HERC3: variants seen among roughly 807,000 people sequenced by gnomAD.
HERC3 encodes the protein HECT and RLD domain containing E3 ubiquitin protein ligase 3.
HERC3 carries 58 observed loss-of-function variants against 129.9 expected under a neutral mutation model. That is an observed-to-expected ratio of 0.45 (90% CI 0.36 to 0.56). HERC3 has a LOEUF of 0.56. HERC3 is among the 20% of genes least tolerant of loss of function. The probability of loss-of-function intolerance (pLI) is 0.00; values close to 1 mark genes in which losing one functional copy is unlikely to be tolerated. For missense variants in HERC3, 835 were observed against 1,244.2 expected, an observed-to-expected ratio of 0.67 and a Z score of 4.95; for synonymous variants, 430 against 451.0, an observed-to-expected ratio of 0.95 and a Z score of 0.59.
chr4:88,669,033 T>G (rs1731335294), intron 14 of HERC3, among the ~76,000 whole-genome samples: 2 of 152,184 alleles, frequency 1.3e-5, no homozygotes, highest in South Asian at 4.1e-4. Context: ...TTTTTTCATT[T>G]TTATTTTTCC....
At chr4:88,536,050 G>A in the HERC3 span, among the ~76,000 whole-genome samples, 2 of 152,104 alleles carry the variant, frequency 1.3e-5, no homozygotes, top group African/African-American at 4.8e-5. Flanking sequence ...TAACAAATTA[G>A]TTATTCACTG....
chr4:88,612,651 G>A (rs1246422199), intron 3 of HERC3, among the ~76,000 whole-genome samples: 1 of 151,888 alleles, frequency 6.6e-6, no homozygotes, highest in Admixed American at 6.6e-5. Flanking sequence ...ATCCCTCCCC[G>A]ACAAAGCAGA....
intron 3 of HERC3, among the ~76,000 whole-genome samples, chr4:88,614,625 C>T (rs958391898): frequency 4.6e-5 from 7 of 152,126 alleles, no homozygotes; most frequent in African/African-American, 1.7e-4. Context: ...CTCTTTTGAG[C>T]ACCAAATAAA....
intron 3 of HERC3, among the ~76,000 whole-genome samples, chr4:88,625,874 A>G (rs946376290): frequency 2.0e-5 from 3 of 152,066 alleles, no homozygotes; most frequent in Non-Finnish European, 4.4e-5. Context: ...GATTTTTTTC[A>G]AATGTTATTT....
At chr4:88,666,953 A>C (rs1203894889) in intron 12 of HERC3, among the ~76,000 whole-genome samples, 1 of 152,186 alleles carries the variant, frequency 6.6e-6, no homozygotes, top group East Asian at 1.9e-4. Flanking sequence ...ACCAGTTTGC[A>C]CAGGGGACGT....
At chr4:88,610,949 C>T (rs1724250417) in intron 3 of HERC3, among the ~76,000 whole-genome samples, 1 of 152,182 alleles carries the variant, frequency 6.6e-6, no homozygotes, top group South Asian at 2.1e-4. Context: ...GTCAGCTGGC[C>T]CTCAGTCATC....
the HERC3 span, among the ~76,000 whole-genome samples, chr4:88,580,544 G>A: frequency 2.0e-5 from 3 of 151,992 alleles, no homozygotes; most frequent in South Asian, 4.2e-4. Flanking sequence ...AAAGGAAGTG[G>A]AATTAATTTT....
chr4:88,583,415 T>C, the HERC3 span, among the ~76,000 whole-genome samples: 1 of 151,068 alleles, frequency 6.6e-6, no homozygotes, highest in Non-Finnish European at 1.5e-5. Flanking sequence ...CACTCCAGCC[T>C]GGATACAGAG....
At position 88,707,776 on chromosome 4, in the gene HERC3, G is replaced by A. The variant is rs188932401; in HGVS notation, c.*816G>A. ...TCTTGCACTCTCGCTTTTGGAGCAA[G>A]TTGCATTAACTATTTTGAGTCTCTA... On this transcript the variant is annotated 3_prime_UTR_variant, in exon 26 of 26. Transcript: ENST00000402738. 6.6e-6 allele frequency: 1 copy of A among 152,558 alleles called. No homozygotes were observed. The highest frequency in any genetic ancestry group is 2.4e-5 in the African/African-American group (1 of 41,568). 9.5% of individuals were successfully genotyped at this position (152,558 alleles called of 1,614,324 possible).
intron 3 of HERC3, among the ~76,000 whole-genome samples, chr4:88,636,974 C>G (rs1727482441): frequency 6.6e-6 from 1 of 152,060 alleles, no homozygotes; most frequent in Admixed American, 6.5e-5. Context: ...TACTAAAATA[C>G]AAAAATTAGC....
intron 3 of HERC3, among the ~76,000 whole-genome samples, chr4:88,615,744 G>A (rs1461522762): frequency 1.3e-5 from 2 of 152,110 alleles, no homozygotes; most frequent in Admixed American, 6.6e-5. Context: ...TTGGCTTATA[G>A]TAAACACTCA....
chr4:88,662,735 A>G (rs1345672267), intron 11 of HERC3, among the ~76,000 whole-genome samples, 180 bp downstream of exon 11: 3 of 152,138 alleles, frequency 2.0e-5, no homozygotes, highest in Non-Finnish European at 2.9e-5. Context: ...CCCAAATAGC[A>G]TAATGGATGG....
intron 3 of HERC3, among the ~76,000 whole-genome samples, chr4:88,637,516 G>A (rs1338106305): frequency 3.3e-5 from 5 of 152,168 alleles, no homozygotes; most frequent in African/African-American, 1.2e-4. Context: ...TGAAATTAAG[G>A]CAGAAATCAA....
chr4:88,654,387 T>TATAC (rs1321614619), intron 7 of HERC3, among the ~76,000 whole-genome samples: 117 of 94,260 alleles, frequency 1.2e-3, no homozygotes, highest in Middle Eastern at 6.5e-3. Flanking sequence ...TATATATATA[T>TATAC]ACACACACAC....
At chr4:88,611,104 A>G (rs1560673596) in intron 3 of HERC3, among the ~76,000 whole-genome samples, 1 of 152,198 alleles carries the variant, frequency 6.6e-6, no homozygotes, top group Non-Finnish European at 1.5e-5. Flanking sequence ...TGTAAATTAC[A>G]AGAGATTCCA....
intron 2 of HERC3, among the ~76,000 whole-genome samples, chr4:88,602,126 C>T (rs555422412): frequency 1.1e-3 from 173 of 151,096 alleles, no homozygotes; most frequent in African/African-American, 3.3e-3. Flanking sequence ...ACCGGCTGGG[C>T]TCCGTGGCTC....
intron 2 of HERC3, among the ~76,000 whole-genome samples, chr4:88,596,642 C>G (rs191497292): frequency 6.6e-6 from 1 of 152,154 alleles, no homozygotes; most frequent in Non-Finnish European, 1.5e-5. Flanking sequence ...GCCTCAACAG[C>G]GCTTTGCATT....
At chr4:88,626,663 T>C (rs1260545962) in intron 3 of HERC3, among the ~76,000 whole-genome samples, 1 of 152,146 alleles carries the variant, frequency 6.6e-6, no homozygotes. Context: ...AGTTCATGTC[T>C]TTTGAGGAAT....
At position 88,704,256 on chromosome 4, in the gene HERC3, A is replaced by G. The variant is rs372060590; in HGVS notation, c.2816A>G (p.Asn939Ser). The stretch of plus-strand genomic sequence containing the variant: ...AGGGCTATGATGGTGGGGAACAGCA[A>G]CTACAACTGGGAAGAACTGGAAGAG... ...ELRAMMVGNS[N>S]YNWEELEETA... The change falls in exon 24 of 26, where the codon AAC (asparagine) becomes AGC (serine). Residue 939 changes from asparagine (N) to serine (S), a missense_variant. Coordinates refer to ENST00000402738, the MANE Select transcript of HERC3 (RefSeq NM_014606.3). The G allele has an allele frequency of 2.8e-5, 45 of 1,614,006 alleles. No individual in the cohort carries two copies. Among genetic ancestry groups the G allele is most frequent in the Admixed American group, 3.3e-5 (2 of 59,996 alleles).
Sources: allele counts gnomAD v4.1 joint callset (sites outside exome capture counted in the v4.1 genomes callset), GRCh38; gene constraint gnomAD v4.1.1; transcripts MANE v1.5; gene names NCBI Gene and HGNC (gene_info 2026-07-23, HGNC 2026-07-21).